DISC1: variants seen among roughly 807,000 people sequenced by gnomAD.
The protein encoded by DISC1 is disrupted in schizophrenia 1 protein.
A neutral mutation model predicts 84.5 loss-of-function variants in DISC1; 57 were observed. The observed-to-expected ratio is 0.67, with a 90% CI of 0.55 to 0.84. The LOEUF is 0.84. Among genes scored for constraint, DISC1 ranks in the 40% least tolerant of loss-of-function variants. The pLI, the probability that DISC1 is intolerant of heterozygous loss-of-function variation, is 0.00. For synonymous variants in DISC1, 411 were observed against 415.2 expected (o/e 0.99, Z 0.12); for missense variants, 1,000 against 1,057.8 (o/e 0.95, Z 0.76).
intron 3 of DISC1, chr1:231,722,500 G>A: frequency 6.2e-7 from 1 of 1,613,802 alleles, no homozygotes; most frequent in South Asian, 1.1e-5. Context: ...GTTATTCTGT[G>A]TCCATTCCAC....
At chr1:231,781,349 T>C (rs1315375136) in intron 6 of DISC1, among the ~76,000 whole-genome samples, 1 of 152,150 alleles carries the variant, frequency 6.6e-6, no homozygotes, top group Non-Finnish European at 1.5e-5. Context: ...GCTTACAACA[T>C]GAGTCTATTA....
At chr1:232,010,237 T>A (rs1367532153) in intron 11 of DISC1, among the ~76,000 whole-genome samples, 1 of 152,214 alleles carries the variant, frequency 6.6e-6, no homozygotes, top group Non-Finnish European at 1.5e-5. Context: ...CAGCAAAGCC[T>A]GGTCTCCAAT....
At chr1:231,708,257 A>G (rs2067334363) in intron 3 of DISC1, among the ~76,000 whole-genome samples, 1 of 152,176 alleles carries the variant, frequency 6.6e-6, no homozygotes, top group Non-Finnish European at 1.5e-5. Flanking sequence ...GGCAGGCACC[A>G]TCCAATTGTC....
intron 1 of DISC1, among the ~76,000 whole-genome samples, chr1:231,662,706 G>A (rs548596132): frequency 6.2e-4 from 95 of 152,336 alleles, no homozygotes; most frequent in African/African-American, 2.2e-3. Context: ...GCTGTTGTAT[G>A]CCTAAGTTAA....
intron 9 of DISC1, among the ~76,000 whole-genome samples, chr1:231,861,387 C>T (rs1204552398): frequency 6.6e-6 from 1 of 151,432 alleles, no homozygotes; most frequent in African/African-American, 2.4e-5. Flanking sequence ...CCACCTTGGC[C>T]TCCCAACGTG....
At chr1:231,836,269 G>A (rs1050196916) in intron 9 of DISC1, among the ~76,000 whole-genome samples, 1 of 152,056 alleles carries the variant, frequency 6.6e-6, no homozygotes, top group Non-Finnish European at 1.5e-5. Flanking sequence ...TCCTTCCAGA[G>A]GCGTGCTGTT....
chr1:231,743,644 T>C (rs2073608398), intron 3 of DISC1, among the ~76,000 whole-genome samples: 1 of 152,224 alleles, frequency 6.6e-6, no homozygotes, highest in Non-Finnish European at 1.5e-5. Context: ...TCCTAGAAGG[T>C]CTTATCAGGC....
intron 10 of DISC1, among the ~76,000 whole-genome samples, chr1:231,962,721 G>A (rs546078720): frequency 2.6e-5 from 4 of 152,154 alleles, no homozygotes; most frequent in Non-Finnish European, 1.5e-5. Context: ...GCCAGGAATT[G>A]TAGATGAAAA....
At chr1:231,843,281 TAGTGGGGCTGCGTTGTTC>T in intron 9 of DISC1, among the ~76,000 whole-genome samples, 1 of 152,056 alleles carries the variant, frequency 6.6e-6, no homozygotes, top group Non-Finnish European at 1.5e-5. Context: ...GCAAGAAGTT[TAGTGGGGCTGCGTTGTTC>T]AGTGGGGTGG....
chr1:231,918,507 G>A (rs1273591356), intron 9 of DISC1, among the ~76,000 whole-genome samples: 3 of 152,200 alleles, frequency 2.0e-5, no homozygotes, highest in African/African-American at 7.2e-5. Flanking sequence ...TGAGATGGCA[G>A]CCCTCACGGT....
rs150146294 is a variant in DISC1, at chr1:231,813,183, C to T, written c.1793-5146C>T. 268 of 152,312 alleles carry T rather than the reference C, an allele frequency of 1.8e-3. 3 individuals carry two copies. The highest frequency in any genetic ancestry group is 6.0e-3 in the African/African-American group (251 of 41,550). 9.4% of individuals were successfully genotyped at this position (152,312 alleles called of 1,614,324 possible). A position where few individuals can be genotyped will look rare whatever the true frequency, so the allele number is the denominator to read the frequency against. ...CCGGCACTCGCTCTGTATATATAGT[C>T]TCTTCCAATCTGCTTTTAGAGATCT... On this transcript the variant is annotated intron_variant, in intron 8 of 12. Coordinates refer to ENST00000439617, the MANE Select transcript of DISC1 (RefSeq NM_018662.3).
chr1:231,829,571 C>T (rs1193078952), intron 9 of DISC1, among the ~76,000 whole-genome samples: 2 of 152,118 alleles, frequency 1.3e-5, no homozygotes, highest in Admixed American at 6.5e-5. Context: ...AGAGTGGTCT[C>T]GAACTCCTGG....
At chr1:231,800,948 G>A (rs1219758569) in intron 8 of DISC1, among the ~76,000 whole-genome samples, 1 of 151,988 alleles carries the variant, frequency 6.6e-6, no homozygotes, top group Non-Finnish European at 1.5e-5. Flanking sequence ...ACCCAGTTAT[G>A]TAATGACAGC....
chr1:231,734,185 G>T (rs2072142200), intron 3 of DISC1, among the ~76,000 whole-genome samples: 1 of 152,120 alleles, frequency 6.6e-6, no homozygotes, highest in South Asian at 2.1e-4. Flanking sequence ...CTTTTCCATA[G>T]CATCTGTGAA....
At chr1:231,890,474 C>T (rs536521504) in intron 9 of DISC1, among the ~76,000 whole-genome samples, 2 of 152,276 alleles carry the variant, frequency 1.3e-5, no homozygotes, top group South Asian at 2.1e-4. Context: ...CTTGAAATTC[C>T]TTAAAAATGA....
At chr1:231,767,312 C>CT (rs779310353) in intron 5 of DISC1, 43 bp downstream of exon 5, 27 of 1,611,944 alleles carry the variant, frequency 1.7e-5, no homozygotes, top group Non-Finnish European at 2.3e-5. Flanking sequence ...TGGCATTTTT[C>CT]TTTTCTTTGA....
intron 9 of DISC1, among the ~76,000 whole-genome samples, chr1:231,916,348 C>T (rs2089618148): frequency 1.3e-5 from 2 of 151,930 alleles, no homozygotes. Context: ...TTTTTTCTTT[C>T]CTTCAAATAT....
At chr1:231,942,676 A>G (rs2091420709) in intron 9 of DISC1, among the ~76,000 whole-genome samples, 1 of 152,162 alleles carries the variant, frequency 6.6e-6, no homozygotes, top group South Asian at 2.1e-4. Context: ...AATAAAATAA[A>G]GTAAAATAAA....
intron 9 of DISC1, among the ~76,000 whole-genome samples, chr1:231,825,355 A>G (rs769345260): frequency 1.1e-4 from 16 of 152,200 alleles, no homozygotes; most frequent in South Asian, 2.1e-4. Flanking sequence ...GGGTGGGTAC[A>G]TGTGTCTCTT....
Sources: allele counts gnomAD v4.1 joint callset (sites outside exome capture counted in the v4.1 genomes callset), GRCh38; gene constraint gnomAD v4.1.1; transcripts MANE v1.5; gene names NCBI Gene and HGNC (gene_info 2026-07-23, HGNC 2026-07-21).